The following SOX5 variants were observed in gnomAD, a reference collection of about 807,000 sequenced individuals.
The protein encoded by SOX5 is SRY-box transcription factor 5.
Under a neutral mutation model 92.0 loss-of-function variants are expected in SOX5, and 9 were observed. That is an observed-to-expected ratio of 0.10 (90% CI 0.06 to 0.17). SOX5 has a LOEUF of 0.17. Among genes scored for constraint, SOX5 ranks in the 10% least tolerant of loss-of-function variants. The pLI, the probability that SOX5 is intolerant of heterozygous loss-of-function variation, is 1.00. For missense variants in SOX5, 642 were observed against 944.5 expected, an observed-to-expected ratio of 0.68 and a Z score of 4.20; for synonymous variants, 344 against 336.3, an observed-to-expected ratio of 1.02 and a Z score of -0.25.
At chr12:23,861,224 T>C (rs2096754170) in intron 2 of SOX5, among the ~76,000 whole-genome samples, 1 of 152,120 alleles carries the variant, frequency 6.6e-6, no homozygotes, top group Non-Finnish European at 1.5e-5. Context: ...CTGTGTGTCC[T>C]GCCTCTAAAA....
intron 4 of SOX5, among the ~76,000 whole-genome samples, chr12:24,178,457 T>C (rs925537295): frequency 8.5e-5 from 13 of 152,172 alleles, no homozygotes; most frequent in African/African-American, 2.7e-4. Context: ...CAGCCAATAC[T>C]CAGCTTCTGC....
chr12:24,471,327 A>G (rs1204689482), intron 1 of SOX5, among the ~76,000 whole-genome samples: 3 of 152,188 alleles, frequency 2.0e-5, no homozygotes, highest in African/African-American at 7.2e-5. Flanking sequence ...CCACCTAAGT[A>G]GAAATTTATT....
At chr12:23,933,255 T>C (rs1941834727) in intron 1 of SOX5, among the ~76,000 whole-genome samples, 1 of 151,648 alleles carries the variant, frequency 6.6e-6, no homozygotes, top group African/African-American at 2.4e-5. Context: ...AATCATCTCT[T>C]TGTCCAGCTT....
At chr12:23,720,007 T>C (rs1375930238) in intron 6 of SOX5, among the ~76,000 whole-genome samples, 1 of 152,096 alleles carries the variant, frequency 6.6e-6, no homozygotes, top group Non-Finnish European at 1.5e-5. Context: ...GATGTGTTGA[T>C]GGAAGTATTT....
intron 3 of SOX5, 33 bp from the exon 4 acceptor site, chr12:23,755,757 A>G: frequency 1.5e-6 from 2 of 1,370,064 alleles, no homozygotes; most frequent in Non-Finnish European, 2.0e-6. Context: ...GAGCAAATCA[A>G]CATGACTCTC....
chr12:23,710,749 T>C (rs1418070528), intron 6 of SOX5, among the ~76,000 whole-genome samples: 3 of 152,222 alleles, frequency 2.0e-5, no homozygotes, highest in Non-Finnish European at 4.4e-5. Flanking sequence ...CGTTTGGGTA[T>C]ATACCCAGTA....
At chr12:24,438,282 G>A (rs1939838004) in intron 1 of SOX5, among the ~76,000 whole-genome samples, 1 of 152,108 alleles carries the variant, frequency 6.6e-6, no homozygotes, top group Non-Finnish European at 1.5e-5. Context: ...GGGCCTGTCA[G>A]GGTTGGGGTG....
chr12:24,162,984 T>C (rs1952940872), intron 4 of SOX5, among the ~76,000 whole-genome samples: 1 of 152,000 alleles, frequency 6.6e-6, no homozygotes, highest in Non-Finnish European at 1.5e-5. Context: ...GTAAATGAGC[T>C]CTGCAAATAT....
intron 2 of SOX5, among the ~76,000 whole-genome samples, chr12:24,284,908 T>C (rs545080911): frequency 6.6e-6 from 1 of 152,330 alleles, no homozygotes; most frequent in African/African-American, 2.4e-5. Context: ...GTGGATCACC[T>C]GAGGTCAGGA....
intron 8 of SOX5, among the ~76,000 whole-genome samples, chr12:23,620,654 A>T (rs956849316): frequency 7.2e-5 from 11 of 152,072 alleles, no homozygotes; most frequent in African/African-American, 2.4e-4. Context: ...ACCCCAACAC[A>T]TATAACTCAT....
At chr12:24,493,516 T>G (rs1485375622) in intron 1 of SOX5, among the ~76,000 whole-genome samples, 1 of 152,218 alleles carries the variant, frequency 6.6e-6, no homozygotes, top group South Asian at 2.1e-4. Flanking sequence ...ATATCAGGTA[T>G]GTAGGAGCTC....
intron 1 of SOX5, among the ~76,000 whole-genome samples, chr12:24,469,493 T>C (rs1482586701): frequency 1.3e-5 from 2 of 152,222 alleles, no homozygotes; most frequent in African/African-American, 4.8e-5. Flanking sequence ...CTTTTGTATC[T>C]ATGTTCTATA....
chr12:24,073,831 T>G (rs1330517777), intron 4 of SOX5, among the ~76,000 whole-genome samples: 2 of 152,212 alleles, frequency 1.3e-5, no homozygotes, highest in Non-Finnish European at 2.9e-5. Context: ...ATTTATGAAA[T>G]TTTACAAAAC....
chr12:23,973,494 G>A (rs1199252599), intron 4 of SOX5, among the ~76,000 whole-genome samples: 1 of 152,094 alleles, frequency 6.6e-6, no homozygotes, highest in Non-Finnish European at 1.5e-5. Flanking sequence ...CGGTTAGGGG[G>A]AAGCCACTGT....
At chr12:24,181,604 T>C (rs1390403787) in intron 4 of SOX5, among the ~76,000 whole-genome samples, 1 of 152,190 alleles carries the variant, frequency 6.6e-6, no homozygotes, top group African/African-American at 2.4e-5. Flanking sequence ...CCTGCTTTGT[T>C]GTGACAATTG....
intron 2 of SOX5, among the ~76,000 whole-genome samples, chr12:24,327,672 C>CT (rs1419759728): frequency 6.6e-6 from 1 of 151,968 alleles, no homozygotes; most frequent in Non-Finnish European, 1.5e-5. Context: ...CAAACTCTGC[C>CT]TCCTGGGTTC....
At chr12:24,245,385 T>C (rs2728856) in intron 3 of SOX5, among the ~76,000 whole-genome samples, 15,195 of 151,580 alleles carry the variant, frequency 0.1, 961 homozygotes, top group Admixed American at 0.17. Flanking sequence ...AAACTAAAAA[T>C]AGGAAACAAT....
chr12:23,682,373 T>A (rs746180573), intron 6 of SOX5, among the ~76,000 whole-genome samples: 3 of 151,844 alleles, frequency 2.0e-5, no homozygotes, highest in Non-Finnish European at 3.0e-5. Flanking sequence ...GGCTGAAACA[T>A]TTACTTGTGA....
chr12:23,595,834 A>C (rs1243629608), intron 9 of SOX5, among the ~76,000 whole-genome samples: 1 of 152,142 alleles, frequency 6.6e-6, no homozygotes, highest in Admixed American at 6.5e-5. Flanking sequence ...AAGCTATTCC[A>C]GTTATGAGCA....
Sources: gnomAD v4.1 joint callset for allele counts (sites outside exome capture counted in the v4.1 genomes callset) on GRCh38, gnomAD v4.1.1 for gene constraint, MANE v1.5 for transcripts, NCBI Gene and HGNC (gene_info 2026-07-23, HGNC 2026-07-21) for gene names.